The following FLT3LG variants were observed in gnomAD, a reference collection of about 807,000 sequenced individuals.
FLT3LG encodes fms-related tyrosine kinase 3 ligand.
Under a neutral mutation model 30.9 loss-of-function variants are expected in FLT3LG, and 8 were observed. The observed-to-expected ratio is 0.26, with a 90% confidence interval of 0.15 to 0.47. The LOEUF is 0.47. Among genes scored for constraint, FLT3LG ranks in the 20% least tolerant of loss-of-function variants. The pLI is 0.99. For synonymous variants in FLT3LG, 123 were observed against 135.9 expected (o/e 0.91, Z 0.66); for missense variants, 278 against 306.2 (o/e 0.91, Z 0.69).
intron 1 of FLT3LG, 74 bp from the exon 2 acceptor site, chr19:49,474,529 G>T: frequency 9.2e-7 from 1 of 1,084,574 alleles, no homozygotes; most frequent in Non-Finnish European, 1.4e-6. Flanking sequence ...CGGGAGGGGC[G>T]GGGAGGCAAA....
At chr19:49,484,440 G>C (rs552900666) in intron 8 of FLT3LG, among the ~76,000 whole-genome samples, 1 of 151,090 alleles carries the variant, frequency 6.6e-6, no homozygotes, top group African/African-American at 2.4e-5. Context: ...GATTACAAGC[G>C]CCTGCCACCA....
In FLT3LG at chr19:49,474,360, G is replaced by A; in HGVS notation, c.-38+79G>A. The A allele has an allele frequency of 7.0e-6, 4 of 573,422 alleles. 1 individual carries two copies. The highest frequency in any genetic ancestry group is 9.3e-4 in the Middle Eastern group (2 of 2,146). The allele number at this position is 573,422 out of a possible 1,614,324, so 35.5% of individuals were successfully genotyped here. ...ACTCCTGGGGCAGGGGGAGCAGAGG[G>A]TGGGGGGCTGGGTTCCCGGGTCCCT... On this transcript the variant is annotated intron_variant, in intron 1 of 8. Transcript: ENST00000597551.
chr19:49,479,979 T>G (rs2079545755), intron 6 of FLT3LG, among the ~76,000 whole-genome samples: 1 of 151,912 alleles, frequency 6.6e-6, no homozygotes, highest in South Asian at 2.1e-4. Context: ...AGTTTTTGTG[T>G]TTTTAGTAGA....
At chr19:49,480,169 T>C (rs896235211) in intron 6 of FLT3LG, 129 bp from the exon 7 acceptor site, 2 of 645,116 alleles carry the variant, frequency 3.1e-6, no homozygotes, top group Non-Finnish European at 5.5e-6. Context: ...GTTTTACAGA[T>C]GAGCAAACTG....
chr19:49,483,359 G>C (rs1021750702), intron 8 of FLT3LG, among the ~76,000 whole-genome samples: 2 of 150,768 alleles, frequency 1.3e-5, no homozygotes, highest in East Asian at 3.9e-4. Context: ...CTCGTGATCC[G>C]CCCGCCTCAG....
At chr19:49,482,500 A>G (rs1019304173) in intron 8 of FLT3LG, 7 of 152,172 alleles carry the variant, frequency 4.6e-5, no homozygotes, top group South Asian at 2.1e-4. Context: ...AAAAGGCTCT[A>G]ATAATAGTCC....
intron 8 of FLT3LG, among the ~76,000 whole-genome samples, chr19:49,483,617 G>C (rs1481772216): frequency 6.6e-6 from 1 of 151,706 alleles, no homozygotes; most frequent in Non-Finnish European, 1.5e-5. Flanking sequence ...CAGCTACTTA[G>C]GAGGCAAAGT....
Position 49,474,583 on chromosome 19 carries a change from GTTC to G in FLT3LG, c.-37-15_-37-13del, listed in dbSNP as rs1424481768. 138 of 1,592,710 alleles carry G rather than the reference GTTC, an allele frequency of 8.7e-5. No individual in the cohort carries two copies. The South Asian group carries it at 1.5e-3, about 17-fold the overall frequency. On this transcript the variant is annotated splice_polypyrimidine_tract_variant and intron_variant, in intron 1 of 8. Coordinates refer to ENST00000597551, the MANE Select transcript of FLT3LG (RefSeq NM_001459.4). ...GCTGGGGCATGAGGGTCCGAGACTT[GTTC>G]TTCTGTCCCTTCCAAGACCCGGCGA... is the stretch of plus-strand genomic sequence containing the variant.
rs998851845 is a variant in FLT3LG at position 49,476,725 on chromosome 19, A to G, written c.342+159A>G. 16 of 929,984 alleles carry G rather than the reference A, an allele frequency of 1.7e-5. No individual in the cohort carries two copies. The highest frequency in any genetic ancestry group is 2.6e-5 in the Non-Finnish European group (16 of 627,440). The allele number at this position is 929,984 out of a possible 1,614,324, so 57.6% of individuals were successfully genotyped here. ...TGCAGAGCCCTGTTCCTACAGAACA[A>G]CACGTCCCCAGGCACCGGTGATGGG... On this transcript the variant is annotated intron_variant, in intron 5 of 8. Coordinates refer to ENST00000597551, the MANE Select transcript of FLT3LG (RefSeq NM_001459.4). This position sits in a 1 kb window ranked among gnomAD's most constrained non-coding sequence, Gnocchi z 5.3.
intron 8 of FLT3LG, among the ~76,000 whole-genome samples, chr19:49,484,011 A>G (rs2079707960): frequency 6.6e-6 from 1 of 150,460 alleles, no homozygotes; most frequent in Non-Finnish European, 1.5e-5. Context: ...CAGCCTCCCC[A>G]GTAGCTTGGA....
chr19:49,479,951 C>T (rs1383611386), intron 6 of FLT3LG, among the ~76,000 whole-genome samples: 1 of 152,008 alleles, frequency 6.6e-6, no homozygotes, highest in African/African-American at 2.4e-5. Flanking sequence ...ATTACAGATG[C>T]GCATACCATG....
intron 8 of FLT3LG, chr19:49,481,286 G>A (rs1435786540): frequency 1.3e-5 from 2 of 153,168 alleles, no homozygotes; most frequent in East Asian, 3.8e-4. Flanking sequence ...GGGAACCTGG[G>A]GGAGGAGTCA....
intron 6 of FLT3LG, chr19:49,479,658 C>A: frequency 4.7e-6 from 1 of 214,350 alleles, no homozygotes; most frequent in Non-Finnish European, 9.6e-6. Context: ...CCTGCCACCT[C>A]ACGCGGCTAA....
rs192566410 is a variant in FLT3LG, at chr19:49,476,265, C to T, written c.198+67C>T. 4.8e-6 allele frequency: 7 copies of T among 1,463,706 alleles called. No individual in the cohort carries two copies. The highest frequency in any genetic ancestry group is 1.7e-5 in the Admixed American group (1 of 59,800). 90.7% of individuals were successfully genotyped at this position (1,463,706 alleles called of 1,614,324 possible). A position where few individuals can be genotyped will look rare whatever the true frequency, so the allele number is the denominator to read the frequency against. ...ACAGACTCAAGATGCTCCACCGAGGCGAGTGGATAACCAGGCCCTCCCCTC... is the reference window on the plus strand; with the variant it reads ...ACAGACTCAAGATGCTCCACCGAGGTGAGTGGATAACCAGGCCCTCCCCTC... On this transcript the variant is annotated intron_variant, in intron 4 of 8. Transcript: ENST00000597551. The surrounding 1 kb of genome is among the most constrained non-coding windows in gnomAD (Gnocchi z 5.3).
At chr19:49,475,053 G>C in intron 2 of FLT3LG, among the ~76,000 whole-genome samples, 1 of 115,924 alleles carries the variant, frequency 8.6e-6, no homozygotes, top group East Asian at 2.9e-4. Flanking sequence ...GAGATGGACA[G>C]AGGTGGGGGA....
chr19:49,480,620 G>A lies in FLT3LG; in HGVS notation c.*21G>A, dbSNP rs1568676088. 6.2e-7 allele frequency: 1 copy of A among 1,609,136 alleles called. No homozygotes were observed. Among genetic ancestry groups the A allele is most frequent in the Non-Finnish European group, 8.5e-7 (1 of 1,177,912 alleles). Reference sequence around the variant, plus strand: ...ACTGACCTGGCCAAGGCCTCATCCTGGTGAGTCCTTCCTGGGCTATGGGGC... The same window carrying A: ...ACTGACCTGGCCAAGGCCTCATCCTAGTGAGTCCTTCCTGGGCTATGGGGC... On this transcript the variant is annotated splice_region_variant and 3_prime_UTR_variant, in exon 8 of 9. Transcript: ENST00000597551.
chr19:49,479,909 A>G (rs1358307541), intron 6 of FLT3LG, among the ~76,000 whole-genome samples: 1 of 151,842 alleles, frequency 6.6e-6, no homozygotes, highest in African/African-American at 2.4e-5. Context: ...GGTTCAAGCG[A>G]ATCTTCTGCC....
At chr19:49,480,964 G>A (rs1325823420) in intron 8 of FLT3LG, 5 of 204,644 alleles carry the variant, frequency 2.4e-5, no homozygotes, top group Admixed American at 2.3e-4. Context: ...CCCAGGAGGC[G>A]GAGGTTGCAG....
chr19:49,477,325 T>C (rs1026618064), intron 5 of FLT3LG, among the ~76,000 whole-genome samples: 24 of 151,594 alleles, frequency 1.6e-4, no homozygotes, highest in African/African-American at 5.8e-4. Flanking sequence ...CCACCTGTGG[T>C]CCCAGCTACT....
Sources: allele counts gnomAD v4.1 joint callset (sites outside exome capture counted in the v4.1 genomes callset), GRCh38; gene constraint gnomAD v4.1.1; non-coding constraint Gnocchi (gnomAD v3.1); transcripts MANE v1.5; gene names NCBI Gene and HGNC (gene_info 2026-07-23, HGNC 2026-07-21).